RPTOR: variants seen among roughly 807,000 people sequenced by gnomAD.
The protein encoded by RPTOR is regulatory-associated protein of mTOR.
A neutral mutation model predicts 169.9 loss-of-function variants in RPTOR; 21 were observed. The observed-to-expected ratio is 0.12, with a 90% CI of 0.09 to 0.18. RPTOR has a LOEUF of 0.18. Among genes scored for constraint, RPTOR ranks in the 10% least tolerant of loss-of-function variants. RPTOR has a pLI of 1.00. For missense variants in RPTOR, 1,133 were observed against 1,855.9 expected (o/e 0.61, Z 7.16); for synonymous variants, 732 against 753.2 (o/e 0.97, Z 0.46).
At chr17:80,907,213 C>T (rs1178649199) in intron 20 of RPTOR, among the ~76,000 whole-genome samples, 2 of 152,284 alleles carry the variant, frequency 1.3e-5, no homozygotes, top group Non-Finnish European at 2.9e-5. Context: ...TCACACCTCA[C>T]TCGAAACCCT....
rs2084509148 is a variant in RPTOR at position 80,562,303 on chromosome 17, A to T, written c.162+16512A>T. On this transcript the variant is annotated intron_variant, in intron 1 of 33. Transcript: ENST00000306801. This position sits in a 1 kb window ranked among gnomAD's most constrained non-coding sequence, Gnocchi z 4.4. ...AAAACTTAAGGAATGTTTTGGTGGG[A>T]TATGTTGAAATTGTTGCCTAAAACG... 6.6e-6 allele frequency among the ~76,000 whole-genome samples: 1 copy of T among 152,160 alleles called. No individual in the cohort carries two copies. The highest frequency in any genetic ancestry group is 2.4e-5 in the African/African-American group (1 of 41,422).
In RPTOR at chr17:80,707,239, C is replaced by T. The variant is rs868395098; in HGVS notation, c.349-602C>T. On this transcript the variant is annotated intron_variant, in intron 3 of 33. Transcript: ENST00000306801. This position sits in a 1 kb window ranked among gnomAD's most constrained non-coding sequence, Gnocchi z 5.0. The stretch of plus-strand genomic sequence containing the variant: ...ATGCTCCAGATGTTTTCAGAAGGAC[C>T]GCGTACTTCTGAGAAACACTTGGTA... Among the ~76,000 whole-genome samples the T allele has an allele frequency of 5.3e-5, 8 of 152,150 alleles. No individual in the cohort carries two copies. Among genetic ancestry groups the T allele is most frequent in the Middle Eastern group, 3.2e-3 (1 of 316 alleles).
At chr17:80,935,178 T>C (rs1259453897) in intron 24 of RPTOR, among the ~76,000 whole-genome samples, 1 of 152,162 alleles carries the variant, frequency 6.6e-6, no homozygotes, top group Non-Finnish European at 1.5e-5. Context: ...ATATGTATTC[T>C]GAAAAATATA....
rs757834467 is a variant in RPTOR at position 80,892,749 on chromosome 17, G to C, written c.2122G>C (p.Val708Leu). ...CCCAGAGGGAGGGAGTTTGACCCCA[G>C]TGCGAGACAGCCCGTGCACCCCCAG... ...ATTEGGSLTP[V>L]RDSPCTPRLR... The change falls in exon 19 of 34, where the codon GTG becomes CTG. Residue 708 changes from valine (V) to leucine (L), a missense_variant. Physicochemically the swap from Val to Leu is conservative, Grantham distance 32 (BLOSUM62 1). Coordinates refer to ENST00000306801, the MANE Select transcript of RPTOR (RefSeq NM_020761.3). The C allele has an allele frequency of 6.2e-7, 1 of 1,614,092 alleles. No homozygotes were observed. The highest frequency in any genetic ancestry group is 1.1e-5 in the South Asian group (1 of 91,064).
Position 80,892,821 on chromosome 17 carries a change from G to A in RPTOR, c.2194G>A (p.Ala732Thr), listed in dbSNP as rs2143872138. ...SYGNIRAVAT[A>T]RSLNKSLQNL... ...TGGAAACATCCGTGCTGTCGCCACA[G>A]CCAGGAGCCTCAACAAATCTTTGCA... The change falls in exon 19 of 34, where the codon GCC becomes ACC. Residue 732 changes from alanine to threonine, a missense_variant. By Grantham distance (58) the Ala-to-Thr change is moderately conservative. Around this residue, in one of 9 missense-constraint regions of RPTOR, gnomAD observed 150 missense variants for 206.4 expected, o/e 0.73. Coordinates refer to ENST00000306801, the MANE Select transcript of RPTOR (RefSeq NM_020761.3). 3.7e-6 allele frequency: 6 copies of A among 1,614,250 alleles called. No homozygotes were observed. The highest frequency in any genetic ancestry group is 5.1e-6 in the Non-Finnish European group (6 of 1,180,044).
intron 24 of RPTOR, among the ~76,000 whole-genome samples, chr17:80,930,437 C>T (rs62068526): frequency 3.1e-3 from 9 of 2,932 alleles, no homozygotes; most frequent in African/African-American, 5.0e-3. Context: ...ATCCTCATCC[C>T]CAGCTCATCC....
chr17:80,943,917 G>C (rs1372647592), intron 25 of RPTOR, among the ~76,000 whole-genome samples: 2 of 152,194 alleles, frequency 1.3e-5, no homozygotes, highest in Non-Finnish European at 2.9e-5. Context: ...CCTCCTGGTT[G>C]CCCAGAGGCC....
At chr17:80,718,924 A>G in intron 4 of RPTOR, among the ~76,000 whole-genome samples, 1 of 152,166 alleles carries the variant, frequency 6.6e-6, no homozygotes, top group Admixed American at 6.5e-5. Context: ...CGTCGTATAC[A>G]AGAGGCCAGT....
Position 80,923,580 on chromosome 17 carries a change from G to A in RPTOR, c.2715G>A (p.Arg905=), listed in dbSNP as rs2143981361. 6.2e-7 allele frequency: 1 copy of A among 1,613,424 alleles called. No homozygotes were observed. Among genetic ancestry groups the A allele is most frequent in the Non-Finnish European group, 8.5e-7 (1 of 1,179,964 alleles). The change falls in exon 23 of 34, where the codon CGG becomes CGA. Residue 905 remains arginine, a synonymous_variant. Transcript: ENST00000306801. ...TCAGCCGAGACTTGCCTTCTGGCCGGCCGGGCACCACAGGCCCCGCTGGGG... is the reference window on the plus strand; with the variant it reads ...TCAGCCGAGACTTGCCTTCTGGCCGACCGGGCACCACAGGCCCCGCTGGGG... ...QPVSRDLPSG[R]PGTTGPAGAQ...
chr17:80,588,963 T>C (rs948105552), intron 1 of RPTOR, among the ~76,000 whole-genome samples: 18 of 152,342 alleles, frequency 1.2e-4, no homozygotes, highest in African/African-American at 4.1e-4. Flanking sequence ...TGTGTTGAAA[T>C]ATTTTCCAAC....
chr17:80,886,766 C>T (rs1009721621), intron 17 of RPTOR, among the ~76,000 whole-genome samples: 3 of 152,244 alleles, frequency 2.0e-5, no homozygotes, highest in South Asian at 2.1e-4. Context: ...AGATGTGGCC[C>T]GCGAGGACAC....
At chr17:80,766,917 C>A (rs2066793379) in intron 6 of RPTOR, among the ~76,000 whole-genome samples, 1 of 151,618 alleles carries the variant, frequency 6.6e-6, no homozygotes. Context: ...AGAAGTTGAC[C>A]CCAAAATTTG....
chr17:80,653,694 G>T (rs1229864699), intron 3 of RPTOR, among the ~76,000 whole-genome samples: 2 of 152,256 alleles, frequency 1.3e-5, no homozygotes, highest in Non-Finnish European at 2.9e-5. Context: ...CTGCGGCCCT[G>T]TGGGTCTCTG....
chr17:80,715,082 A>G (rs949712944), intron 4 of RPTOR, among the ~76,000 whole-genome samples: 1 of 152,270 alleles, frequency 6.6e-6, no homozygotes, highest in Non-Finnish European at 1.5e-5. Flanking sequence ...AACTCAAAGC[A>G]GAAGGAAAGA....
intron 1 of RPTOR, among the ~76,000 whole-genome samples, chr17:80,594,156 C>T (rs1599585259): frequency 6.6e-6 from 1 of 152,028 alleles, no homozygotes; most frequent in South Asian, 2.1e-4. Context: ...TGCAGTGGTG[C>T]GATCTCGGCT....
chr17:80,600,904 T>G (rs2065180722), intron 1 of RPTOR, among the ~76,000 whole-genome samples: 2 of 75,648 alleles, frequency 2.6e-5, no homozygotes, highest in African/African-American at 4.7e-5. Context: ...CCTCCCAAGA[T>G]GACCGCAGCA....
intron 7 of RPTOR, among the ~76,000 whole-genome samples, chr17:80,806,786 T>A (rs1303909044): frequency 6.6e-6 from 1 of 152,258 alleles, no homozygotes; most frequent in East Asian, 1.9e-4. Flanking sequence ...TATACGTATA[T>A]CTTTTTTCTT....
rs549228570 is a variant in RPTOR at position 80,619,660 on chromosome 17, G to A, written c.163-6031G>A. 2.3e-3 allele frequency among the ~76,000 whole-genome samples: 357 copies of A among 152,304 alleles called. 1 individual carries two copies. The highest frequency in any genetic ancestry group is 7.9e-3 in the African/African-American group (329 of 41,558). ...GTGGCAACGCTTGGCCTGAGCTGGG[G>A]TGAGACTGGACACTCTTGATTGATT... On this transcript the variant is annotated intron_variant, in intron 1 of 33. Coordinates refer to ENST00000306801, the MANE Select transcript of RPTOR (RefSeq NM_020761.3).
intron 8 of RPTOR, 113 bp from the exon 9 acceptor site, chr17:80,822,966 T>C: frequency 8.8e-7 from 1 of 1,132,646 alleles, no homozygotes; most frequent in Admixed American, 2.1e-5. Flanking sequence ...ATGGGAGATA[T>C]GCATATTAGT....
Sources: allele counts gnomAD v4.1 joint callset (sites outside exome capture counted in the v4.1 genomes callset), GRCh38; gene constraint gnomAD v4.1.1; regional missense constraint gnomAD v4.1.1; non-coding constraint Gnocchi (gnomAD v3.1); transcripts MANE v1.5; gene names NCBI Gene and HGNC (gene_info 2026-07-23, HGNC 2026-07-21).